UBIAD1: variants seen among roughly 807,000 people sequenced by gnomAD.
UBIAD1 encodes UbiA prenyltransferase domain containing 1.
Under a neutral mutation model 20.1 loss-of-function variants are expected in UBIAD1, and 12 were observed. That is an observed-to-expected ratio of 0.60 (90% CI 0.38 to 0.97). The LOEUF is 0.97. UBIAD1 is among the 50% of genes least tolerant of loss of function. UBIAD1 has a pLI of 0.00. For synonymous variants in UBIAD1, 207 were observed against 189.2 expected (o/e 1.09, Z -0.77); for missense variants, 333 against 419.5 (o/e 0.79, Z 1.80).
At chr1:11,292,668 T>TACACAC (rs71568319), downstream of UBIAD1, among the ~76,000 whole-genome samples, 487 of 140,738 alleles carry the variant, frequency 3.5e-3, 1 homozygote, top group East Asian at 0.014. Context: ...ATTTTATGTA[T>TACACAC]ACACACACAC....
At position 11,282,215 on chromosome 1, in the gene UBIAD1, C is replaced by G. The variant is rs532195879; in HGVS notation, c.530-3429C>G. Reference sequence around the variant, plus strand: ...CTTTACACTCCCCCCAGCAAGTGTTCCAGTTGCTCTGCGTCTTGCCAACTT... The same window carrying G: ...CTTTACACTCCCCCCAGCAAGTGTTGCAGTTGCTCTGCGTCTTGCCAACTT... On this transcript the variant is annotated intron_variant, in intron 1 of 1. Coordinates refer to ENST00000376810, the MANE Select transcript of UBIAD1 (RefSeq NM_013319.3). 1.1e-4 allele frequency among the ~76,000 whole-genome samples: 16 copies of G among 152,302 alleles called. No homozygotes were observed. The South Asian group carries it at 2.9e-3, about 28-fold the overall frequency.
downstream of UBIAD1, among the ~76,000 whole-genome samples, chr1:11,296,467 T>C (rs780890915): frequency 3.3e-5 from 5 of 152,070 alleles, no homozygotes; most frequent in Non-Finnish European, 5.9e-5. Context: ...GCTCACAGAG[T>C]ACTTAGCATG....
Position 11,287,850 on chromosome 1 carries a change from A to G in UBIAD1, c.*1719A>G, listed in dbSNP as rs886045082. On this transcript the variant is annotated 3_prime_UTR_variant, in exon 2 of 2. Transcript: ENST00000376810. ...CGGCTGAGGCAGGAGCATGGCGTGA[A>G]CCCAGGAGGCGGAGCTTGCAGTGAG... 6 of 151,594 alleles carry G rather than the reference A, an allele frequency of 4.0e-5. No individual in the cohort carries two copies. The highest frequency in any genetic ancestry group is 5.9e-5 in the Non-Finnish European group (4 of 67,922). 9.4% of individuals were successfully genotyped at this position (151,594 alleles called of 1,614,324 possible). A position where few individuals can be genotyped will look rare whatever the true frequency, so the allele number is the denominator to read the frequency against.
At chr1:11,274,261 G>A (rs573438793) in intron 1 of UBIAD1, among the ~76,000 whole-genome samples, 2 of 152,340 alleles carry the variant, frequency 1.3e-5, no homozygotes, top group Non-Finnish European at 2.9e-5. Flanking sequence ...CGTAGGGCAT[G>A]ACTGAAAATT....
chr1:11,286,213 T>C lies in UBIAD1; in HGVS notation c.*82T>C. The C allele has an allele frequency of 6.3e-7, 1 of 1,593,360 alleles. No individual in the cohort carries two copies. ...AGAGTCTCTGAGGAAGGAATGTGAT[T>C]TGGCAGTCAGGGTACTAAGCATGGG... On this transcript the variant is annotated 3_prime_UTR_variant, in exon 2 of 2. Coordinates refer to ENST00000376810, the MANE Select transcript of UBIAD1 (RefSeq NM_013319.3).
chr1:11,283,254 C>T (rs1244384813), intron 1 of UBIAD1, among the ~76,000 whole-genome samples: 2 of 152,190 alleles, frequency 1.3e-5, no homozygotes, highest in Non-Finnish European at 2.9e-5. Context: ...TTTTCTTTCA[C>T]AGCCAGACCA....
At chr1:11,289,574 A>AT (rs1283025341), downstream of UBIAD1, among the ~76,000 whole-genome samples, 3 of 151,316 alleles carry the variant, frequency 2.0e-5, no homozygotes, top group African/African-American at 7.3e-5. Flanking sequence ...TTTATTTATT[A>AT]TTTTTTTTGA....
Position 11,287,722 on chromosome 1 carries a change from G to A in UBIAD1, c.*1591G>A, listed in dbSNP as rs1237042957. On this transcript the variant is annotated 3_prime_UTR_variant, in exon 2 of 2. Transcript: ENST00000376810. ...AGACGGGCGGATCACGAGGTCAGGA[G>A]ATCGAGACCATCTTGGCTAACACGG... The A allele has an allele frequency of 1.3e-5, 2 of 152,190 alleles. No homozygotes were observed. Among genetic ancestry groups the A allele is most frequent in the African/African-American group, 4.8e-5 (2 of 41,456 alleles). 9.4% of individuals were successfully genotyped at this position (152,190 alleles called of 1,614,324 possible).
downstream of UBIAD1, among the ~76,000 whole-genome samples, chr1:11,290,093 T>C (rs1638341318): frequency 2.0e-5 from 3 of 152,270 alleles, no homozygotes; most frequent in South Asian, 6.2e-4. Context: ...CTCGAAATCC[T>C]GACCTCAGGC....
chr1:11,274,448 G>A (rs1455018546), intron 1 of UBIAD1, among the ~76,000 whole-genome samples: 5 of 151,622 alleles, frequency 3.3e-5, no homozygotes, highest in Non-Finnish European at 7.4e-5. Context: ...ACAGGTGCAC[G>A]CCACCACGCC....
Position 11,287,447 on chromosome 1 carries a change from GACT to G in UBIAD1, c.*1318_*1320del, listed in dbSNP as rs1638291304. The G allele has an allele frequency of 1.3e-5, 2 of 152,152 alleles. No homozygotes were observed. Among genetic ancestry groups the G allele is most frequent in the Non-Finnish European group, 2.9e-5 (2 of 68,020 alleles). 9.4% of individuals were successfully genotyped at this position (152,152 alleles called of 1,614,324 possible). ...AATTGCTCAGTTGCATTTGATCCAG[GACT>G]ATAGATTGGAAATGGGTCATCATTG... is the stretch of plus-strand genomic sequence containing the variant. On this transcript the variant is annotated 3_prime_UTR_variant, in exon 2 of 2. Coordinates refer to ENST00000376810, the MANE Select transcript of UBIAD1 (RefSeq NM_013319.3).
At chr1:11,294,214 C>G (rs770105542) in intron 1 of UBIAD1, among the ~76,000 whole-genome samples, 15 of 152,154 alleles carry the variant, frequency 9.9e-5, no homozygotes, top group Non-Finnish European at 1.6e-4. Context: ...AACTGAGGTT[C>G]AGGGAGATTA....
At position 11,285,871 on chromosome 1, in the gene UBIAD1, G is replaced by A. The variant is rs1245495523; in HGVS notation, c.757G>A (p.Gly253Ser). 3 of 1,614,096 alleles carry A rather than the reference G, an allele frequency of 1.9e-6. No homozygotes were observed. Among genetic ancestry groups the A allele is most frequent in the Middle Eastern group, 1.6e-4 (1 of 6,062 alleles). ...TATCGTCACGCTGGCCATCCTCATC[G>A]GCCCCACGTTCTCCTACATTCTCTA... Reference protein sequence around the residue: ...AGIVTLAILIGPTFSYILYNT... With the variant: ...AGIVTLAILISPTFSYILYNT... Residue 253 changes from glycine (G) to serine (S), a missense_variant, in exon 2 of 2, where the codon GGC (glycine) becomes AGC (serine). Gly to Ser is a moderately conservative substitution (Grantham distance 56). Coordinates refer to ENST00000376810, the MANE Select transcript of UBIAD1 (RefSeq NM_013319.3). This position sits in a 1 kb window ranked among gnomAD's most constrained non-coding sequence, Gnocchi z 4.4.
At position 11,286,034 on chromosome 1, in the gene UBIAD1, A is replaced by C; in HGVS notation, c.920A>C (p.Lys307Thr). 4 of 1,614,092 alleles carry C rather than the reference A, an allele frequency of 2.5e-6. No homozygotes were observed. The highest frequency in any genetic ancestry group is 3.4e-6 in the Non-Finnish European group (4 of 1,179,992). Residue 307 changes from lysine (K) to threonine (T), a missense_variant, in exon 2 of 2, where the codon AAA becomes ACA. Lys to Thr is a moderately conservative substitution (Grantham distance 78). This residue lies in a region of UBIAD1 where 226 missense variants were observed against 263.5 expected (regional missense o/e 0.86). Transcript: ENST00000376810. ...CAGTTTCGAAGCCAGGCCTTCAACA[A>C]ACTGCCCCAGAGGACTGCCAAGCTC... Reference protein sequence around the residue: ...ERQFRSQAFNKLPQRTAKLNL... With the variant: ...ERQFRSQAFNTLPQRTAKLNL...
rs1638244127 is a variant in UBIAD1, at chr1:11,285,541, A to G, written c.530-103A>G. The G allele has an allele frequency of 6.4e-7, 1 of 1,571,072 alleles. No individual in the cohort carries two copies. The highest frequency in any genetic ancestry group is 8.7e-7 in the Non-Finnish European group (1 of 1,152,516). ...GAGTGCCCACCTGCACAGTCTAAGG[A>G]TTTACCATTTTCAGCCGGAAGTGGC... On this transcript the variant is annotated intron_variant, in intron 1 of 1. Coordinates refer to ENST00000376810, the MANE Select transcript of UBIAD1 (RefSeq NM_013319.3). The surrounding 1 kb of genome is among the most constrained non-coding windows in gnomAD (Gnocchi z 4.4).
chr1:11,274,596 C>T (rs1363489214), intron 1 of UBIAD1, among the ~76,000 whole-genome samples: 10 of 150,456 alleles, frequency 6.6e-5, no homozygotes, highest in Non-Finnish European at 1.5e-4. Context: ...CGCGCCCTGT[C>T]AGGACATTTT....
chr1:11,277,426 C>A (rs1199854051), intron 1 of UBIAD1, among the ~76,000 whole-genome samples: 1 of 151,502 alleles, frequency 6.6e-6, no homozygotes, highest in Non-Finnish European at 1.5e-5. Flanking sequence ...ATTACAGGTG[C>A]CCGCCTGGCT....
At chr1:11,284,386 A>T (rs573361307) in intron 1 of UBIAD1, among the ~76,000 whole-genome samples, 27 of 152,102 alleles carry the variant, frequency 1.8e-4, no homozygotes, top group Non-Finnish European at 2.9e-4. Flanking sequence ...AAGATCTGGG[A>T]CTTTTATCCC....
Position 11,280,999 on chromosome 1 carries a change from C to T in UBIAD1, c.530-4645C>T, listed in dbSNP as rs544671071. ...CTTTGCCCACCTTTTGCCCTCCCCC[C>T]AGTTCTCTGACCCACCCTCCTCCTT... is the stretch of plus-strand genomic sequence containing the variant. On this transcript the variant is annotated intron_variant, in intron 1 of 1. Transcript: ENST00000376810. Among the ~76,000 whole-genome samples, 233 of 152,200 alleles carry T rather than the reference C, an allele frequency of 1.5e-3. 1 individual carries two copies. The highest frequency in any genetic ancestry group is 5.2e-3 in the African/African-American group (215 of 41,518).
Sources: allele counts gnomAD v4.1 joint callset (sites outside exome capture counted in the v4.1 genomes callset), GRCh38; gene constraint gnomAD v4.1.1; regional missense constraint gnomAD v4.1.1; non-coding constraint Gnocchi (gnomAD v3.1); transcripts MANE v1.5; gene names NCBI Gene and HGNC (gene_info 2026-07-23, HGNC 2026-07-21).